The following ZMAT4 variants were observed in gnomAD, a reference collection of about 807,000 sequenced individuals.
ZMAT4 encodes zinc finger matrin-type protein 4.
In ZMAT4, 17 loss-of-function variants were observed where a neutral mutation model predicts 28.7. The ratio of observed to expected loss-of-function variants is 0.59; its 90% CI spans 0.41 to 0.89. The LOEUF (loss-of-function observed/expected upper bound fraction) is 0.89, where lower values mean the gene tolerates loss of function less well. Ranked by LOEUF, ZMAT4 falls within the 40% of genes least tolerant of loss-of-function variation. The probability of loss-of-function intolerance (pLI) is 0.00; values close to 1 mark genes in which losing one functional copy is unlikely to be tolerated. For missense variants in ZMAT4, 240 were observed against 283.8 expected (o/e 0.85, Z 1.11); for synonymous variants, 117 against 109.2 (o/e 1.07, Z -0.44).
chr8:40,840,568 C>T (rs140997552), intron 1 of ZMAT4, among the ~76,000 whole-genome samples: 8 of 152,310 alleles, frequency 5.3e-5, no homozygotes, highest in Admixed American at 5.2e-4. Context: ...CTGTGGACCT[C>T]ACCTCATTAG....
intron 3 of ZMAT4, among the ~76,000 whole-genome samples, chr8:40,705,629 A>G (rs934360404): frequency 7.9e-5 from 12 of 152,350 alleles, no homozygotes; most frequent in African/African-American, 2.9e-4. Context: ...TAATTGACAG[A>G]TAAAATTCTA....
chr8:40,882,575 C>T (rs1163141161), intron 1 of ZMAT4, among the ~76,000 whole-genome samples: 1 of 152,192 alleles, frequency 6.6e-6, no homozygotes, highest in African/African-American at 2.4e-5. Flanking sequence ...GCCTGGCACA[C>T]CGGGAGAGAG....
chr8:40,700,046 T>C (rs1168017117), intron 3 of ZMAT4, among the ~76,000 whole-genome samples: 1 of 152,182 alleles, frequency 6.6e-6, no homozygotes, highest in Non-Finnish European at 1.5e-5. Flanking sequence ...AAAATGGACT[T>C]ATGGTATGTA....
chr8:40,760,582 T>A (rs1812883496), intron 3 of ZMAT4, among the ~76,000 whole-genome samples: 1 of 152,054 alleles, frequency 6.6e-6, no homozygotes, highest in East Asian at 1.9e-4. Context: ...AAAACAAAAT[T>A]CCTGTTAAGC....
chr8:40,574,648 T>C (rs1416651955), intron 6 of ZMAT4, among the ~76,000 whole-genome samples: 1 of 152,150 alleles, frequency 6.6e-6, no homozygotes, highest in African/African-American at 2.4e-5. Flanking sequence ...GCAAAATCCT[T>C]GTGGAGCACA....
intron 5 of ZMAT4, among the ~76,000 whole-genome samples, chr8:40,589,540 A>T (rs1422351650): frequency 6.6e-6 from 1 of 152,136 alleles, no homozygotes; most frequent in Non-Finnish European, 1.5e-5. Flanking sequence ...GGGACCTAGA[A>T]ATCTATATAT....
chr8:40,623,098 G>C (rs569789348), intron 5 of ZMAT4, among the ~76,000 whole-genome samples: 4 of 152,266 alleles, frequency 2.6e-5, no homozygotes, highest in Admixed American at 2.0e-4. Flanking sequence ...CATTAAGAAG[G>C]CTTCTGTCTT....
chr8:40,574,512 C>A (rs907451741), intron 6 of ZMAT4, among the ~76,000 whole-genome samples: 3 of 152,080 alleles, frequency 2.0e-5, no homozygotes, highest in Non-Finnish European at 2.9e-5. Flanking sequence ...GAGACAACAG[C>A]AAGATGGCTG....
chr8:40,743,210 A>G (rs1305835213), intron 3 of ZMAT4, among the ~76,000 whole-genome samples: 1 of 152,180 alleles, frequency 6.6e-6, no homozygotes, highest in Non-Finnish European at 1.5e-5. Context: ...TCTCTGAAAG[A>G]AGCCTTTGAA....
intron 1 of ZMAT4, among the ~76,000 whole-genome samples, chr8:40,861,199 A>T (rs1817476430): frequency 6.6e-6 from 1 of 152,252 alleles, no homozygotes; most frequent in Non-Finnish European, 1.5e-5. Context: ...TACCTGGCAC[A>T]TGCTAAGTGC....
intron 6 of ZMAT4, among the ~76,000 whole-genome samples, chr8:40,533,071 T>C (rs980483029): frequency 1.4e-4 from 22 of 152,248 alleles, no homozygotes; most frequent in Admixed American, 1.2e-3. Flanking sequence ...ATTTTTAGTT[T>C]TGTTTTTTTC....
intron 2 of ZMAT4, among the ~76,000 whole-genome samples, chr8:40,776,047 C>T (rs1813580655): frequency 6.6e-6 from 1 of 152,164 alleles, no homozygotes. Flanking sequence ...GCCTCCAAAA[C>T]AGCAAAAAAA....
At chr8:40,734,541 G>A (rs1004282993) in intron 3 of ZMAT4, among the ~76,000 whole-genome samples, 5 of 152,028 alleles carry the variant, frequency 3.3e-5, no homozygotes, top group Admixed American at 1.3e-4. Flanking sequence ...ACAACCGAGC[G>A]GAGAGAGAGA....
chr8:40,702,459 A>G (rs1810189509), intron 3 of ZMAT4, among the ~76,000 whole-genome samples: 1 of 152,250 alleles, frequency 6.6e-6, no homozygotes, highest in Non-Finnish European at 1.5e-5. Flanking sequence ...AAAGAAATAA[A>G]AAGAATGTTT....
intron 6 of ZMAT4, among the ~76,000 whole-genome samples, chr8:40,572,277 G>T (rs1804123006): frequency 6.6e-6 from 1 of 152,062 alleles, no homozygotes. Flanking sequence ...AAATAAATGA[G>T]TATAATGGGG....
chr8:40,670,836 A>C (rs576621299), intron 5 of ZMAT4, among the ~76,000 whole-genome samples: 3 of 152,148 alleles, frequency 2.0e-5, no homozygotes, highest in Non-Finnish European at 4.4e-5. Flanking sequence ...TGGGAGGCCA[A>C]GGTGGGCAGA....
intron 5 of ZMAT4, among the ~76,000 whole-genome samples, chr8:40,649,602 C>T (rs939986738): frequency 6.6e-6 from 1 of 152,066 alleles, no homozygotes; most frequent in South Asian, 2.1e-4. Context: ...AACTCTCCAT[C>T]CCATATCAAC....
At chr8:40,585,931 T>C (rs144083517) in intron 5 of ZMAT4, among the ~76,000 whole-genome samples, 33 of 152,326 alleles carry the variant, frequency 2.2e-4, no homozygotes, top group Admixed American at 5.9e-4. Flanking sequence ...CATAAATATT[T>C]ATGTTTAAAA....
At chr8:40,578,985 C>T (rs1804362279) in intron 6 of ZMAT4, among the ~76,000 whole-genome samples, 1 of 152,180 alleles carries the variant, frequency 6.6e-6, no homozygotes, top group South Asian at 2.1e-4. Context: ...CTGCCATCTG[C>T]TTTCAGGGTG....
Sources: gnomAD v4.1 joint callset for allele counts (sites outside exome capture counted in the v4.1 genomes callset) on GRCh38, gnomAD v4.1.1 for gene constraint, MANE v1.5 for transcripts, NCBI Gene and HGNC (gene_info 2026-07-23, HGNC 2026-07-21) for gene names.